Variants in DOCK6 observed in about 807,000 individuals in gnomAD.
DOCK6 encodes dedicator of cytokinesis protein 6.
DOCK6 carries 167 observed loss-of-function variants against 230.3 expected under a neutral mutation model. The observed-to-expected ratio is 0.73, with a 90% CI of 0.64 to 0.82. The LOEUF (loss-of-function observed/expected upper bound fraction) is 0.82, where lower values mean the gene tolerates loss of function less well. DOCK6 is among the 40% of genes least tolerant of loss of function. The pLI is 0.00. For missense variants in DOCK6, 2,598 were observed against 2,825.8 expected, an observed-to-expected ratio of 0.92 and a Z score of 1.83; for synonymous variants, 1,148 against 1,185.0, an observed-to-expected ratio of 0.97 and a Z score of 0.64.
chr19:11,228,846 G>A (rs1338398174), intron 23 of DOCK6, 94 bp downstream of exon 23: 9 of 1,225,130 alleles, frequency 7.3e-6, no homozygotes, highest in Admixed American at 2.0e-5. Flanking sequence ...ACAGGTGTGA[G>A]CCACTATGCC....
intron 37 of DOCK6, among the ~76,000 whole-genome samples, 182 bp downstream of exon 37, chr19:11,211,583 AGCTGTCTGCTC>A (rs2079386098): frequency 5.1e-5 from 1 of 19,420 alleles, no homozygotes; most frequent in African/African-American, 1.6e-4. Context: ...CTGTCTGCTC[AGCTGTCTGCTC>A]ACCTGTCCCC....
intron 1 of DOCK6, among the ~76,000 whole-genome samples, chr19:11,256,841 CT>C (rs200232643): frequency 0.024 from 3,592 of 151,928 alleles, 66 homozygotes; most frequent in Non-Finnish European, 0.033. Context: ...CCATGCCCGG[CT>C]AATTTTTTGT....
intron 14 of DOCK6, 63 bp from the exon 15 acceptor site, chr19:11,238,367 G>A: frequency 6.9e-7 from 1 of 1,456,402 alleles, no homozygotes; most frequent in South Asian, 1.2e-5. Context: ...ATACAAGGCT[G>A]GGGTGATGGG....
At chr19:11,209,523 C>G (rs572739400) in intron 37 of DOCK6, among the ~76,000 whole-genome samples, 1 of 148,516 alleles carries the variant, frequency 6.7e-6, no homozygotes, top group East Asian at 2.0e-4. Context: ...TGTCCACCCT[C>G]TCACCTGTCC....
intron 7 of DOCK6, among the ~76,000 whole-genome samples, 200 bp from the exon 8 acceptor site, chr19:11,246,078 T>C (rs2080029012): frequency 6.6e-6 from 1 of 151,930 alleles, no homozygotes; most frequent in African/African-American, 2.4e-5. Context: ...TTGGTTTTTT[T>C]TTTTTTGAGA....
At chr19:11,210,106 A>AC (rs2147734949) in intron 37 of DOCK6, among the ~76,000 whole-genome samples, 1 of 72,506 alleles carries the variant, frequency 1.4e-5, no homozygotes, top group East Asian at 4.1e-4. Context: ...TCACCTGTCC[A>AC]CCTCTCACCT....
intron 31 of DOCK6, 38 bp from the exon 32 acceptor site, chr19:11,215,509 A>G: frequency 6.4e-7 from 1 of 1,566,086 alleles, no homozygotes; most frequent in Non-Finnish European, 8.8e-7. Context: ...ATGCGTAAAA[A>G]CACAGGGCAC....
intron 28 of DOCK6, among the ~76,000 whole-genome samples, chr19:11,219,150 TA>T (rs1463129635): frequency 2.0e-5 from 3 of 147,578 alleles, no homozygotes; most frequent in Non-Finnish European, 4.5e-5. Context: ...GTGCTGAGAT[TA>T]CAGGCATGAG....
intron 18 of DOCK6, 81 bp downstream of exon 18, chr19:11,237,375 G>A (rs1377215875): frequency 2.0e-6 from 3 of 1,516,676 alleles, no homozygotes; most frequent in Admixed American, 3.4e-5. Context: ...AGCCTCCCAG[G>A]ATTGACAGGA....
chr19:11,243,417 G>C lies in DOCK6; in HGVS notation c.1259-32C>G, dbSNP rs765840145. On this transcript the variant is annotated intron_variant, in intron 11 of 47. Coordinates refer to ENST00000294618, the MANE Select transcript of DOCK6 (RefSeq NM_020812.4). The surrounding 1 kb of genome is among the most constrained non-coding windows in gnomAD (Gnocchi z 6.3). ...GAGGGAATGACAATGACAAAAGGGG[G>C]ACCAAGATGAAACAGGGAGACTCAG... 4 of 1,593,050 alleles carry C rather than the reference G, an allele frequency of 2.5e-6. No homozygotes were observed. The highest frequency in any genetic ancestry group is 2.3e-5 in the East Asian group (1 of 44,056).
At chr19:11,232,323 G>A (rs1159973017) in intron 22 of DOCK6, 1 of 1,282,506 alleles carries the variant, frequency 7.8e-7, no homozygotes, top group Non-Finnish European at 1.0e-6. Flanking sequence ...AGCATCCCCA[G>A]TGGAGGGCAG....
At position 11,237,520 on chromosome 19, in the gene DOCK6, C is replaced by A. The variant is rs1327048336; in HGVS notation, c.2009G>T (p.Gly670Val). 1.9e-6 allele frequency: 3 copies of A among 1,612,758 alleles called. No individual in the cohort carries two copies. Among genetic ancestry groups the A allele is most frequent in the South Asian group, 1.1e-5 (1 of 91,018 alleles). Residue 670 changes from glycine to valine, a missense_variant, in exon 18 of 48, where the codon GGC becomes GTC. Coordinates refer to ENST00000294618, the MANE Select transcript of DOCK6 (RefSeq NM_020812.4). ...CACAGACACTGGGAGACAGAAGGGG[C>A]CGGTCCTCAGGCGCCCGTGCTGCAG... is the stretch of plus-strand genomic sequence containing the variant. ...PLLQHGRLRT[G>V]PFCLPVSVDQ...
rs200181665 is a variant in DOCK6 at position 11,200,433 on chromosome 19, A to T, written c.5976T>A (p.Ile1992=). ...EDALRKNKAL[I]GPDQKEYHRE... ...GGTGGTACTCCTTCTGGTCCGGCCC[A>T]ATCAGGGCCTTATTTTTCCGCAGCG... is the stretch of plus-strand genomic sequence containing the variant. Residue 1992 remains isoleucine, a synonymous_variant, in exon 47 of 48, where the codon ATT becomes ATA. Coordinates refer to ENST00000294618, the MANE Select transcript of DOCK6 (RefSeq NM_020812.4). This position sits in a 1 kb window ranked among gnomAD's most constrained non-coding sequence, Gnocchi z 4.3. 2,818 of 1,611,502 alleles carry T rather than the reference A, an allele frequency of 1.7e-3. 11 individuals are homozygous for T. The highest frequency in any genetic ancestry group is 1.8e-3 in the Non-Finnish European group (2,083 of 1,178,980).
In DOCK6 at chr19:11,236,066, GA is replaced by G; in HGVS notation, c.2392+279del. ...CAGCTAATTTTGTATTTTTAGTAGA[GA>G]AGGGGTTTCTCCATGTTGGTCAGGC... On this transcript the variant is annotated intron_variant, in intron 20 of 47. Transcript: ENST00000294618. The surrounding 1 kb of genome is among the most constrained non-coding windows in gnomAD (Gnocchi z 5.2). 2.0e-6 allele frequency: 1 copy of G among 504,634 alleles called. No individual in the cohort carries two copies. The highest frequency in any genetic ancestry group is 2.9e-5 in the South Asian group (1 of 34,404). The allele number at this position is 504,634 out of a possible 1,614,324, so 31.3% of individuals were successfully genotyped here. A position where few individuals can be genotyped will look rare whatever the true frequency, so the allele number is the denominator to read the frequency against.
chr19:11,257,293 G>A (rs2080212978), intron 1 of DOCK6, among the ~76,000 whole-genome samples: 1 of 148,492 alleles, frequency 6.7e-6, no homozygotes, highest in Admixed American at 6.8e-5. Flanking sequence ...CACTGTGCCT[G>A]GCCTCTGACC....
rs2079979847 is a variant in DOCK6 at position 11,243,413 on chromosome 19, G to A, written c.1259-28C>T. On this transcript the variant is annotated intron_variant, in intron 11 of 47. Coordinates refer to ENST00000294618, the MANE Select transcript of DOCK6 (RefSeq NM_020812.4). The surrounding 1 kb of genome is among the most constrained non-coding windows in gnomAD (Gnocchi z 6.3). ...AGGGGAGGGAATGACAATGACAAAA[G>A]GGGGACCAAGATGAAACAGGGAGAC... is the stretch of plus-strand genomic sequence containing the variant. 1 of 1,595,158 alleles carries A rather than the reference G, an allele frequency of 6.3e-7. No homozygotes were observed. The highest frequency in any genetic ancestry group is 1.1e-5 in the South Asian group (1 of 88,468).
intron 24 of DOCK6, among the ~76,000 whole-genome samples, chr19:11,223,775 TAGCTTGGATTACAG>T (rs1243866510): frequency 6.6e-6 from 1 of 152,136 alleles, no homozygotes; most frequent in African/African-American, 2.4e-5. Flanking sequence ...GCTTCCCCAG[TAGCTTGGATTACAG>T]ACACCCACCA....
chr19:11,217,941 C>T (rs67076391), intron 28 of DOCK6, among the ~76,000 whole-genome samples: 76,630 of 150,968 alleles, frequency 0.51, 20,975 homozygotes, highest in Non-Finnish European at 0.62. Flanking sequence ...AACCTCCGCC[C>T]CCCAGGTTCA....
chr19:11,243,815 A>T lies in DOCK6; in HGVS notation c.1091T>A (p.Val364Glu). Residue 364 changes from valine to glutamate, a missense_variant, in exon 10 of 48, where the codon GTG (valine) becomes GAG (glutamate). By Grantham distance (121) the Val-to-Glu change is moderately radical. Transcript: ENST00000294618. The surrounding 1 kb of genome is among the most constrained non-coding windows in gnomAD (Gnocchi z 6.3). Reference protein sequence around the residue: ...CCEPYMVLKEVDTAKNKEKLE... With the variant: ...CCEPYMVLKEEDTAKNKEKLE... ...CCACACGCTTACCTTGGCTGTGTCC[A>T]CTTCTTTCAACACCATGTAAGGCTC... 7 of 1,613,128 alleles carry T rather than the reference A, an allele frequency of 4.3e-6. No homozygotes were observed. The highest frequency in any genetic ancestry group is 5.9e-6 in the Non-Finnish European group (7 of 1,179,604).
Sources: allele counts gnomAD v4.1 joint callset (sites outside exome capture counted in the v4.1 genomes callset), GRCh38; gene constraint gnomAD v4.1.1; non-coding constraint Gnocchi (gnomAD v3.1); transcripts MANE v1.5; gene names NCBI Gene and HGNC (gene_info 2026-07-23, HGNC 2026-07-21).